The following CHRM3 variants were observed in gnomAD, a reference collection of about 807,000 sequenced individuals.
CHRM3 encodes the protein cholinergic receptor muscarinic 3, also known as muscarinic acetylcholine receptor M3.
A neutral mutation model predicts 41.8 loss-of-function variants in CHRM3; 11 were observed. The ratio of observed to expected loss-of-function variants is 0.26; its 90% CI spans 0.17 to 0.44. The LOEUF is 0.44. Among genes scored for constraint, CHRM3 ranks in the 20% least tolerant of loss-of-function variants. CHRM3 has a pLI of 1.00. For synonymous variants in CHRM3, 297 were observed against 301.4 expected (o/e 0.99, Z 0.15); for missense variants, 571 against 745.4 (o/e 0.77, Z 2.72).
At chr1:239,705,331 G>T (rs550702962) in intron 5 of CHRM3, 1 of 152,266 alleles carries the variant, frequency 6.6e-6, no homozygotes, top group African/African-American at 2.4e-5. Context: ...TCTCATAAAA[G>T]TTGAAAAATA....
rs76975348 is a variant in CHRM3 at position 239,548,099 on chromosome 1, C to T, written c.-313+2350C>T. Among the ~76,000 whole-genome samples the T allele has an allele frequency of 2.0e-3, 302 of 152,194 alleles. 2 individuals carry two copies. The highest frequency in any genetic ancestry group is 1.6e-3 in the Non-Finnish European group (107 of 68,010). On this transcript the variant is annotated intron_variant, in intron 3 of 6. Transcript: ENST00000676153. ...TCATAATCATGAGTTCTATATCAGA[C>T]GTACGCTTGTTTTTATTATGAATCA... is the stretch of plus-strand genomic sequence containing the variant.
At position 239,488,714 on chromosome 1, in the gene CHRM3, C is replaced by CAA. The variant is rs763682628; in HGVS notation, c.-520-3959_-520-3958dup. On this transcript the variant is annotated intron_variant, in intron 1 of 6. Coordinates refer to ENST00000676153, the MANE Select transcript of CHRM3 (RefSeq NM_001375978.1). ...TGGATGACAGAGCGAGACTCCTTCT[C>CAA]AAAAAAAAAAAAAAAAAAAAAAAAA... Among the ~76,000 whole-genome samples, 67 of 46,218 alleles carry CAA rather than the reference C, an allele frequency of 1.4e-3. 17 individuals are homozygous for CAA. Among genetic ancestry groups the CAA allele is most frequent in the African/African-American group, 6.7e-3 (66 of 9,800 alleles). 30.3% of individuals were successfully genotyped at this position (46,218 alleles called of 152,430 possible). A position where few individuals can be genotyped will look rare whatever the true frequency, so the allele number is the denominator to read the frequency against.
chr1:239,785,517 C>T (rs1668822525), intron 5 of CHRM3, among the ~76,000 whole-genome samples: 1 of 152,218 alleles, frequency 6.6e-6, no homozygotes, highest in Admixed American at 6.5e-5. Flanking sequence ...TTGTTTGCTT[C>T]TGCTACAGTC....
At chr1:239,447,356 G>A (rs61595023) in intron 1 of CHRM3, among the ~76,000 whole-genome samples, 10,124 of 152,194 alleles carry the variant, frequency 0.067, 655 homozygotes, top group African/African-American at 0.17. Context: ...ACCTTTACAA[G>A]TTAGTTTCTA....
At chr1:239,483,589 ATCT>A (rs1667001530) in intron 1 of CHRM3, among the ~76,000 whole-genome samples, 1 of 152,162 alleles carries the variant, frequency 6.6e-6, no homozygotes, top group Non-Finnish European at 1.5e-5. Flanking sequence ...TATGCTTGAC[ATCT>A]TTTTTTCTTT....
At chr1:239,760,895 A>G (rs1427801147) in intron 5 of CHRM3, among the ~76,000 whole-genome samples, 1 of 152,140 alleles carries the variant, frequency 6.6e-6, no homozygotes, top group Non-Finnish European at 1.5e-5. Flanking sequence ...TCTTGAATCT[A>G]TGCGCTTGTC....
At chr1:239,611,232 GAAATA>G (rs1246518601) in intron 3 of CHRM3, among the ~76,000 whole-genome samples, 3 of 152,036 alleles carry the variant, frequency 2.0e-5, no homozygotes, top group Non-Finnish European at 4.4e-5. Context: ...ATAATGGGAT[GAAATA>G]AAATAAAGTT....
At chr1:239,799,632 C>T (rs1295028982) in intron 5 of CHRM3, among the ~76,000 whole-genome samples, 1 of 152,112 alleles carries the variant, frequency 6.6e-6, no homozygotes, top group Non-Finnish European at 1.5e-5. Context: ...GAGAAACAGG[C>T]ATATTAGGCT....
intron 3 of CHRM3, among the ~76,000 whole-genome samples, chr1:239,569,607 G>A (rs1373368956): frequency 6.6e-6 from 1 of 152,098 alleles, no homozygotes; most frequent in Non-Finnish European, 1.5e-5. Context: ...TCCACTATAA[G>A]CTCTGAATGT....
At chr1:239,662,450 G>T (rs1170001052) in intron 4 of CHRM3, among the ~76,000 whole-genome samples, 1 of 152,010 alleles carries the variant, frequency 6.6e-6, no homozygotes, top group African/African-American at 2.4e-5. Context: ...TTCATTTATC[G>T]GTATTTCTGA....
chr1:239,667,367 G>C (rs954073741), intron 4 of CHRM3, among the ~76,000 whole-genome samples: 1 of 152,012 alleles, frequency 6.6e-6, no homozygotes, highest in African/African-American at 2.4e-5. Context: ...CCAATGTCCC[G>C]CATATCCCAT....
intron 4 of CHRM3, among the ~76,000 whole-genome samples, chr1:239,647,499 CTTTTATCTACT>C (rs1671842406): frequency 6.6e-6 from 1 of 151,878 alleles, no homozygotes; most frequent in African/African-American, 2.4e-5. Flanking sequence ...TGCTTTTCTT[CTTTTATCTACT>C]GCAAAGTGAT....
chr1:239,483,899 C>T (rs1261160400), intron 1 of CHRM3, among the ~76,000 whole-genome samples: 1 of 152,126 alleles, frequency 6.6e-6, no homozygotes, highest in Non-Finnish European at 1.5e-5. Context: ...CCTTCTAGCA[C>T]AGTTATGAAT....
At chr1:239,531,823 C>G (rs1670441649) in intron 2 of CHRM3, among the ~76,000 whole-genome samples, 1 of 149,164 alleles carries the variant, frequency 6.7e-6, no homozygotes, top group African/African-American at 2.5e-5. Context: ...CCACACCCGG[C>G]TAATTTTTTG....
intron 5 of CHRM3, among the ~76,000 whole-genome samples, chr1:239,689,314 T>G (rs998590922): frequency 2.6e-5 from 4 of 152,144 alleles, no homozygotes; most frequent in African/African-American, 9.7e-5. Context: ...AAATGTAAGA[T>G]GCAGGAGGAT....
At chr1:239,803,314 G>C (rs73127384) in intron 5 of CHRM3, among the ~76,000 whole-genome samples, 1 of 152,106 alleles carries the variant, frequency 6.6e-6, no homozygotes, top group Admixed American at 6.5e-5. Flanking sequence ...TTTCCTTAGA[G>C]CACATTCTAC....
intron 1 of CHRM3, among the ~76,000 whole-genome samples, chr1:239,389,738 A>T (rs1160831962): frequency 6.6e-6 from 1 of 152,238 alleles, no homozygotes; most frequent in African/African-American, 2.4e-5. Context: ...ATTTTTAGTT[A>T]AAATCTCTGT....
At position 239,501,719 on chromosome 1, in the gene CHRM3, G is replaced by A. The variant is rs541928115; in HGVS notation, c.-422+8912G>A. On this transcript the variant is annotated intron_variant, in intron 2 of 6. Transcript: ENST00000676153. ...AAAATACAAAAAAAATTAGCTGGGT[G>A]TGGTGGTGGGTGCCTGTAGTCCCAG... 2.3e-4 allele frequency among the ~76,000 whole-genome samples: 35 copies of A among 152,194 alleles called. No homozygotes were observed. The South Asian group carries it at 7.1e-3, about 31-fold the overall frequency.
At chr1:239,545,842 C>T (rs1000537561) in intron 3 of CHRM3, 93 bp downstream of exon 3, 1 of 152,056 alleles carries the variant, frequency 6.6e-6, no homozygotes, top group Non-Finnish European at 1.5e-5. Context: ...GTGTAAAACA[C>T]ATGTATTAGT....
Sources: allele counts gnomAD v4.1 joint callset (sites outside exome capture counted in the v4.1 genomes callset), GRCh38; gene constraint gnomAD v4.1.1; transcripts MANE v1.5; gene names NCBI Gene and HGNC (gene_info 2026-07-23, HGNC 2026-07-21).